Variants in SELENBP1 observed in about 807,000 individuals in gnomAD.
SELENBP1 encodes methanethiol oxidase.
In SELENBP1, 71 loss-of-function variants were observed where a neutral mutation model predicts 61.0. The observed-to-expected ratio is 1.16, with a 90% CI of 0.96 to 1.42. The LOEUF (loss-of-function observed/expected upper bound fraction) is 1.42. Among genes scored for constraint, SELENBP1 ranks in the 40% most tolerant of loss-of-function variants. The pLI is 0.00. For missense variants in SELENBP1, 561 were observed against 605.0 expected (o/e 0.93, Z 0.76); for synonymous variants, 270 against 238.9 (o/e 1.13, Z -1.20).
chr1:151,369,755 T>C lies in SELENBP1; in HGVS notation c.19A>G (p.Asn7Asp). The stretch of plus-strand genomic sequence containing the variant: ...GGGGTGGAGTAGCCGGGTCCACAAT[T>C]CCCACATTTCGTAGCTGTGGAAGCA... MATKCGNCGPGYSTPLE... is the reference protein window; with the variant it reads MATKCGDCGPGYSTPLE... Residue 7 changes from asparagine (N) to aspartate (D), a missense_variant, in exon 2 of 12, where the codon AAT becomes GAT. Transcript: ENST00000368868. The C allele has an allele frequency of 6.4e-7, 1 of 1,552,462 alleles. No homozygotes were observed. The highest frequency in any genetic ancestry group is 1.2e-5 in the South Asian group (1 of 84,094).
rs1186464191 is a variant in SELENBP1 at position 151,366,376 on chromosome 1, G to A, written c.742C>T (p.Leu248Phe). The change falls in exon 7 of 12, where the codon CTT becomes TTT. Residue 248 changes from leucine to phenylalanine, a missense_variant. Leu to Phe is a conservative substitution (Grantham distance 22). Coordinates refer to ENST00000368868, the MANE Select transcript of SELENBP1 (RefSeq NM_003944.4). ...AGGAAGCGGATCTCCAAGGGAATAA[G>A]CCCATCTTTTAGAGACAGGGTCTGC... is the stretch of plus-strand genomic sequence containing the variant. ...IVQTLSLKDG[L>F]IPLEIRFLHN... 6 of 1,614,134 alleles carry A rather than the reference G, an allele frequency of 3.7e-6. No individual in the cohort carries two copies. In the East Asian group the frequency reaches 6.7e-5, roughly 18 times the overall value.
intron 3 of SELENBP1, 46 bp downstream of exon 3, chr1:151,369,393 TGAG>T (rs1396358912): frequency 6.5e-7 from 1 of 1,543,520 alleles, no homozygotes; most frequent in Non-Finnish European, 8.9e-7. Context: ...GGGCCAGGGA[TGAG>T]GGCAGCTATG....
chr1:151,368,106 C>T (rs950624888), intron 5 of SELENBP1, 93 bp downstream of exon 5: 2 of 1,521,730 alleles, frequency 1.3e-6, no homozygotes, highest in African/African-American at 2.7e-5. Context: ...GTCATTCCAA[C>T]CCTCCCCTTC....
At chr1:151,368,869 C>T in intron 4 of SELENBP1, 135 bp downstream of exon 4, 1 of 902,808 alleles carries the variant, frequency 1.1e-6, no homozygotes, top group Non-Finnish European at 1.7e-6. Context: ...GAGGTCCAAC[C>T]TCCCTCCCTG....
chr1:151,366,997 G>A, intron 5 of SELENBP1, 93 bp from the exon 6 acceptor site: 1 of 1,531,014 alleles, frequency 6.5e-7, no homozygotes, highest in Non-Finnish European at 8.8e-7. Context: ...CTAAGAGGCT[G>A]TAAGCCCATT....
chr1:151,364,333 G>T lies in SELENBP1; in HGVS notation c.*210C>A. Reference sequence around the variant, plus strand: ...GGACAGGGTTACGAGTTTATTTCTTGGTGCCTCCAAGAGCTCATGGAAAAG... The same window carrying T: ...GGACAGGGTTACGAGTTTATTTCTTTGTGCCTCCAAGAGCTCATGGAAAAG... On this transcript the variant is annotated 3_prime_UTR_variant, in exon 12 of 12. Coordinates refer to ENST00000368868, the MANE Select transcript of SELENBP1 (RefSeq NM_003944.4). 1 of 597,752 alleles carries T rather than the reference G, an allele frequency of 1.7e-6. No homozygotes were observed. The allele number at this position is 597,752 out of a possible 1,614,324, so 37.0% of individuals were successfully genotyped here.
At chr1:151,366,930 C>T (rs1378363261) in intron 5 of SELENBP1, 26 bp from the exon 6 acceptor site, 2 of 1,608,396 alleles carry the variant, frequency 1.2e-6, no homozygotes, top group Admixed American at 3.3e-5. Flanking sequence ...AGCAGGGTGG[C>T]AGGTAGAAGC....
intron 5 of SELENBP1, chr1:151,367,350 A>G (rs12143321): frequency 7.1e-5 from 1 of 14,130 alleles, no homozygotes; most frequent in Admixed American, 7.2e-4. Flanking sequence ...ATCTCAAAAA[A>G]AAAAAAAAAA....
chr1:151,366,330 T>C lies in SELENBP1; in HGVS notation c.788A>G (p.Gln263Arg). 1 of 1,614,170 alleles carries C rather than the reference T, an allele frequency of 6.2e-7. No homozygotes were observed. Among genetic ancestry groups the C allele is most frequent in the Non-Finnish European group, 8.5e-7 (1 of 1,180,026 alleles). ...GCTGAGTGCGCAGCCCACAAAGCCT[T>C]GGGCAGCGTCTGGGTTGTGCAGGAA... The part of the protein sequence containing the change: ...IRFLHNPDAA[Q>R]GFVGCALSST... The change falls in exon 7 of 12, where the codon CAA (glutamine) becomes CGA (arginine). Residue 263 changes from glutamine (Q) to arginine (R), a missense_variant. Coordinates refer to ENST00000368868, the MANE Select transcript of SELENBP1 (RefSeq NM_003944.4).
At chr1:151,369,381 C>T in intron 3 of SELENBP1, 61 bp downstream of exon 3, 1 of 1,515,632 alleles carries the variant, frequency 6.6e-7, no homozygotes, top group Admixed American at 1.9e-5. Flanking sequence ...AGGGGGGGCC[C>T]AGGGCCAGGG....
chr1:151,371,418 A>G (rs1401167935), intron 1 of SELENBP1, among the ~76,000 whole-genome samples: 1 of 151,952 alleles, frequency 6.6e-6, no homozygotes, highest in Non-Finnish European at 1.5e-5. Context: ...GACTAAAAAA[A>G]AAAAAAAATA....
chr1:151,371,201 T>C (rs1197532679), intron 1 of SELENBP1, among the ~76,000 whole-genome samples: 2 of 152,010 alleles, frequency 1.3e-5, no homozygotes, highest in African/African-American at 2.4e-5. Context: ...CTCACTAACA[T>C]GGCAAAACCC....
intron 5 of SELENBP1, among the ~76,000 whole-genome samples, chr1:151,367,529 C>T (rs1651912336): frequency 1.3e-5 from 2 of 152,060 alleles, no homozygotes; most frequent in Non-Finnish European, 2.9e-5. Context: ...AAACGTTTCT[C>T]CCACGAGATC....
At chr1:151,371,404 T>C (rs569023880) in intron 1 of SELENBP1, among the ~76,000 whole-genome samples, 32 of 148,514 alleles carry the variant, frequency 2.2e-4, no homozygotes, top group African/African-American at 7.9e-4. Context: ...AAGAGTGAAA[T>C]TCTGACTAAA....
chr1:151,370,533 C>T (rs1652089027), intron 1 of SELENBP1, among the ~76,000 whole-genome samples: 1 of 152,162 alleles, frequency 6.6e-6, no homozygotes, highest in African/African-American at 2.4e-5. Flanking sequence ...CTCTGGAGAG[C>T]CCAGAGGCCT....
Position 151,366,732 on chromosome 1 carries a change from A to G in SELENBP1, c.654T>C (p.Asp218=), listed in dbSNP as rs751610264. 9.9e-6 allele frequency: 16 copies of G among 1,613,882 alleles called. No homozygotes were observed. In the East Asian group the frequency reaches 1.3e-4, roughly 13 times the overall value. ...NVLRDGFNPA[D]VEAGLYGSHL... ...TGGGGGGATTCTCACCAGCCTCCAC[A>G]TCAGCGGGGTTGAAGCCATCTCGTA... The change falls in exon 6 of 12, where the codon GAT becomes GAC. Residue 218 remains aspartate, a synonymous_variant. Coordinates refer to ENST00000368868, the MANE Select transcript of SELENBP1 (RefSeq NM_003944.4).
Position 151,366,806 on chromosome 1 carries a change from G to A in SELENBP1, c.580C>T (p.Pro194Ser). The change falls in exon 6 of 12, where the codon CCT (proline) becomes TCT (serine). Residue 194 changes from proline to serine, a missense_variant. By Grantham distance (74) the Pro-to-Ser change is moderately conservative. Transcript: ENST00000368868. ...APLGYDFWYQ[P>S]RHNVMISTEW... ...GTGCTGATCATGACATTGTGTCGAGGCTGGTACCAGAAGTCATAGCCCAAC... is the reference window on the plus strand; with the variant it reads ...GTGCTGATCATGACATTGTGTCGAGACTGGTACCAGAAGTCATAGCCCAAC... 6.2e-7 allele frequency: 1 copy of A among 1,614,152 alleles called. No individual in the cohort carries two copies. The highest frequency in any genetic ancestry group is 8.5e-7 in the Non-Finnish European group (1 of 1,180,036).
At position 151,369,779 on chromosome 1, in the gene SELENBP1, C is replaced by G; in HGVS notation, c.5-10G>C. The G allele has an allele frequency of 6.4e-7, 1 of 1,552,000 alleles. No individual in the cohort carries two copies. Among genetic ancestry groups the G allele is most frequent in the Admixed American group, 2.0e-5 (1 of 51,034 alleles). On this transcript the variant is annotated splice_polypyrimidine_tract_variant and intron_variant, in intron 1 of 11. Transcript: ENST00000368868. ...TTCCCACATTTCGTAGCTGTGGAAG[C>G]AATGGGGCGCATTGGCTGGGCCACG...
At chr1:151,368,876 C>T in intron 4 of SELENBP1, 128 bp downstream of exon 4, 2 of 972,258 alleles carry the variant, frequency 2.1e-6, no homozygotes, top group Middle Eastern at 2.8e-4. Flanking sequence ...AACCTCCCTC[C>T]CTGCTGCCGA....
Sources: allele counts gnomAD v4.1 joint callset (sites outside exome capture counted in the v4.1 genomes callset), GRCh38; gene constraint gnomAD v4.1.1; transcripts MANE v1.5; gene names NCBI Gene and HGNC (gene_info 2026-07-23, HGNC 2026-07-21).